Variants in NOL4L observed in about 807,000 individuals in gnomAD.
NOL4L encodes the protein nucleolar protein 4-like.
NOL4L carries 7 observed loss-of-function variants against 64.5 expected under a neutral mutation model. The observed-to-expected ratio is 0.11, with a 90% CI of 0.06 to 0.20. The LOEUF is 0.20. NOL4L is among the 10% of genes least tolerant of loss of function. NOL4L has a pLI of 1.00. For synonymous variants in NOL4L, 413 were observed against 401.0 expected (o/e 1.03, Z -0.36); for missense variants, 680 against 967.1 (o/e 0.70, Z 3.94).
intron 4 of NOL4L, among the ~76,000 whole-genome samples, chr20:32,488,799 CTTTCTTTTT>C (rs1434337622): frequency 0.11 from 3,796 of 36,140 alleles, 348 homozygotes; most frequent in East Asian, 0.21. Context: ...TCCTTTCTTT[CTTTCTTTTT>C]CTTTCTTTCT....
At chr20:32,497,439 G>C (rs1322198859) in intron 4 of NOL4L, among the ~76,000 whole-genome samples, 1 of 152,180 alleles carries the variant, frequency 6.6e-6, no homozygotes, top group East Asian at 1.9e-4. Context: ...TAAGTAGAAG[G>C]CTTGACAAAG....
chr20:32,449,015 T>G (rs2012598139), intron 10 of NOL4L, among the ~76,000 whole-genome samples: 1 of 152,252 alleles, frequency 6.6e-6, no homozygotes, highest in African/African-American at 2.4e-5. Context: ...CTGCCTAGAC[T>G]GGCCCAATAG....
rs1003794966 is a variant in NOL4L, at chr20:32,452,189, G to A, written c.1822+47C>T. The A allele has an allele frequency of 1.1e-5, 16 of 1,477,242 alleles. No homozygotes were observed. In the African/African-American group the frequency reaches 2.1e-4, roughly 20 times the overall value. 91.5% of individuals were successfully genotyped at this position (1,477,242 alleles called of 1,614,324 possible). On this transcript the variant is annotated intron_variant, in intron 10 of 10. Transcript: ENST00000621426. The stretch of plus-strand genomic sequence containing the variant: ...TGCCCAGGGCTGCTCTGCAGACCCA[G>A]CTGGGTGCTGGTCGGGAAGCCAGAG...
chr20:32,547,699 C>T (rs986699351), intron 1 of NOL4L, among the ~76,000 whole-genome samples: 2 of 152,162 alleles, frequency 1.3e-5, no homozygotes, highest in African/African-American at 4.8e-5. Context: ...CTGGGCAGGA[C>T]TGCAAGCTCA....
intron 1 of NOL4L, among the ~76,000 whole-genome samples, 164 bp downstream of exon 1, chr20:32,584,406 G>C (rs1342288732): frequency 1.3e-5 from 2 of 150,954 alleles, no homozygotes; most frequent in Non-Finnish European, 3.0e-5. Context: ...AGGCGAGCCG[G>C]GAAGGGCCGG....
Position 32,477,137 on chromosome 20 carries a change from G to GA in NOL4L, c.700-2396_700-2395insT, listed in dbSNP as rs1290187900. 4.6e-5 allele frequency among the ~76,000 whole-genome samples: 7 copies of GA among 152,312 alleles called. No individual in the cohort carries two copies. In the East Asian group the frequency reaches 1.2e-3, roughly 25 times the overall value. On this transcript the variant is annotated intron_variant, in intron 4 of 10. Coordinates refer to ENST00000621426, the MANE Select transcript of NOL4L (RefSeq NM_001256798.2). ...GAACTCCACTCAATACGCACACTCT[G>GA]GCCTCTCTCAGCCAAGTTCAAACCA...
intron 4 of NOL4L, chr20:32,475,315 T>C: frequency 1.0e-6 from 1 of 985,466 alleles, no homozygotes; most frequent in African/African-American, 1.7e-5. Flanking sequence ...GATACGCTCT[T>C]GGGCAGCTTC....
At chr20:32,505,148 C>T (rs1406116730) in intron 4 of NOL4L, among the ~76,000 whole-genome samples, 1 of 152,186 alleles carries the variant, frequency 6.6e-6, no homozygotes, top group Non-Finnish European at 1.5e-5. Context: ...CCCCATGAGT[C>T]AGCACTGTTT....
At chr20:32,502,668 T>C (rs984038207) in intron 4 of NOL4L, among the ~76,000 whole-genome samples, 2 of 151,202 alleles carry the variant, frequency 1.3e-5, no homozygotes, top group East Asian at 3.9e-4. Context: ...CCCAGCACTT[T>C]GGGAAGCCGA....
intron 4 of NOL4L, among the ~76,000 whole-genome samples, chr20:32,489,234 G>A (rs890232320): frequency 6.7e-6 from 1 of 150,276 alleles, no homozygotes; most frequent in Non-Finnish European, 1.5e-5. Context: ...GAAACTTTAT[G>A]TCTTCATTAC....
Position 32,527,764 on chromosome 20 carries a change from G to A in NOL4L, c.471C>T (p.Tyr157=). The A allele has an allele frequency of 6.5e-7, 1 of 1,547,186 alleles. No homozygotes were observed. Among genetic ancestry groups the A allele is most frequent in the Non-Finnish European group, 8.7e-7 (1 of 1,144,354 alleles). Residue 157 remains tyrosine (Y), a synonymous_variant, in exon 2 of 11, where the codon TAC becomes TAT. Transcript: ENST00000621426. The stretch of plus-strand genomic sequence containing the variant: ...AAAGAGACAGAAATCTCACCGCTCG[G>A]TAGGTTTTCTTCTGCCCAGCGTGCT... The part of the protein sequence containing the change: ...APKHAGQKKT[Y]RAIAETYAFL...
At chr20:32,478,949 AC>A (rs2015566624) in intron 4 of NOL4L, among the ~76,000 whole-genome samples, 1 of 152,172 alleles carries the variant, frequency 6.6e-6, no homozygotes, top group African/African-American at 2.4e-5. Flanking sequence ...AACACACAAT[AC>A]AAAAATAAGT....
chr20:32,493,848 C>G (rs918723689), intron 4 of NOL4L, among the ~76,000 whole-genome samples: 2 of 152,158 alleles, frequency 1.3e-5, no homozygotes, highest in African/African-American at 4.8e-5. Context: ...TTGTCCCTAC[C>G]CTGACTGTTG....
intron 1 of NOL4L, among the ~76,000 whole-genome samples, chr20:32,531,902 A>C (rs2018360283): frequency 6.6e-6 from 1 of 152,160 alleles, no homozygotes; most frequent in Non-Finnish European, 1.5e-5. Flanking sequence ...AGTAACACCC[A>C]CCATCAGAAG....
rs58444321 is a variant in NOL4L, at chr20:32,551,378, AATCATCATC to A, written c.322-23474_322-23466del. Among the ~76,000 whole-genome samples the A allele has an allele frequency of 1.2e-3, 174 of 149,620 alleles. 1 individual carries two copies. The highest frequency in any genetic ancestry group is 3.4e-3 in the Middle Eastern group (1 of 292). ...ACGACAGCGTGAGACTCGGTCTCAA[AATCATCATC>A]ATCATCATCATCATCATCATCATCA... On this transcript the variant is annotated intron_variant, in intron 1 of 10. Coordinates refer to ENST00000621426, the MANE Select transcript of NOL4L (RefSeq NM_001256798.2).
chr20:32,482,031 G>T (rs1356671668), intron 4 of NOL4L, among the ~76,000 whole-genome samples: 1 of 151,984 alleles, frequency 6.6e-6, no homozygotes, highest in Non-Finnish European at 1.5e-5. Flanking sequence ...TCTCAAGGGA[G>T]AATCTATTTC....
intron 9 of NOL4L, 76 bp downstream of exon 9, chr20:32,452,808 C>A: frequency 6.3e-7 from 1 of 1,583,536 alleles, no homozygotes; most frequent in South Asian, 1.1e-5. Flanking sequence ...ACAGCTCCCT[C>A]AGTCCACACC....
intron 6 of NOL4L, among the ~76,000 whole-genome samples, chr20:32,455,268 C>T (rs1418437620): frequency 6.6e-6 from 1 of 152,244 alleles, no homozygotes; most frequent in Non-Finnish European, 1.5e-5. Context: ...AGCAGCTATG[C>T]CTGTCCCTTG....
intron 1 of NOL4L, among the ~76,000 whole-genome samples, chr20:32,577,169 T>C (rs1301438667): frequency 6.6e-6 from 1 of 152,166 alleles, no homozygotes; most frequent in African/African-American, 2.4e-5. Flanking sequence ...AATTGGGAGA[T>C]GGGCTCAGAC....
Sources: allele counts gnomAD v4.1 joint callset (sites outside exome capture counted in the v4.1 genomes callset), GRCh38; gene constraint gnomAD v4.1.1; transcripts MANE v1.5; gene names NCBI Gene and HGNC (gene_info 2026-07-23, HGNC 2026-07-21).